CLINT1: variants seen among roughly 807,000 people sequenced by gnomAD.
CLINT1 encodes the protein clathrin interacting protein localized in the trans-Golgi region.
CLINT1 carries 15 observed loss-of-function variants against 70.4 expected under a neutral mutation model. The ratio of observed to expected loss-of-function variants is 0.21; its 90% CI spans 0.14 to 0.33. The LOEUF (loss-of-function observed/expected upper bound fraction) is 0.33. Among genes scored for constraint, CLINT1 ranks in the 10% least tolerant of loss-of-function variants. The probability of loss-of-function intolerance (pLI) is 1.00; values close to 1 mark genes in which losing one functional copy is unlikely to be tolerated. For missense variants in CLINT1, 615 were observed against 778.1 expected, an observed-to-expected ratio of 0.79 and a Z score of 2.49; for synonymous variants, 227 against 254.7, an observed-to-expected ratio of 0.89 and a Z score of 1.04.
At chr5:157,789,026 C>A (rs1472363473) in intron 11 of CLINT1, among the ~76,000 whole-genome samples, 10 of 149,398 alleles carry the variant, frequency 6.7e-5, no homozygotes, top group Admixed American at 2.7e-4. Flanking sequence ...ATGGCAATTA[C>A]CCCTCAACGG....
chr5:157,835,872 G>A (rs1763405120), intron 1 of CLINT1, among the ~76,000 whole-genome samples: 1 of 152,152 alleles, frequency 6.6e-6, no homozygotes, highest in Non-Finnish European at 1.5e-5. Context: ...AGAAAGATTT[G>A]AAGAACTAAA....
chr5:157,812,773 A>G (rs1014415595), intron 5 of CLINT1, among the ~76,000 whole-genome samples: 5 of 152,146 alleles, frequency 3.3e-5, no homozygotes, highest in African/African-American at 1.2e-4. Context: ...TAAAATGGCA[A>G]TCCTAAGAGG....
chr5:157,846,752 G>A (rs1264789246), intron 1 of CLINT1, among the ~76,000 whole-genome samples: 1 of 152,160 alleles, frequency 6.6e-6, no homozygotes, highest in Non-Finnish European at 1.5e-5. Flanking sequence ...CTTCTCATGG[G>A]CTAACGCAGC....
intron 11 of CLINT1, among the ~76,000 whole-genome samples, chr5:157,788,454 A>T (rs1761794263): frequency 6.6e-6 from 1 of 152,206 alleles, no homozygotes; most frequent in South Asian, 2.1e-4. Flanking sequence ...TTAAGAAAAA[A>T]ACAGAAGTAT....
At chr5:157,819,466 C>T (rs1658760695) in intron 1 of CLINT1, among the ~76,000 whole-genome samples, 1 of 151,998 alleles carries the variant, frequency 6.6e-6, no homozygotes, top group African/African-American at 2.4e-5. Flanking sequence ...CGTTAAAATC[C>T]AGTAATGCTT....
At chr5:157,815,957 T>C (rs1191388452) in intron 3 of CLINT1, among the ~76,000 whole-genome samples, 2 of 152,228 alleles carry the variant, frequency 1.3e-5, no homozygotes, top group Non-Finnish European at 2.9e-5. Context: ...ATGTGGTATA[T>C]ACGACTTTTA....
intron 1 of CLINT1, among the ~76,000 whole-genome samples, chr5:157,847,869 G>C (rs755182827): frequency 8.5e-5 from 13 of 152,136 alleles, no homozygotes; most frequent in Non-Finnish European, 1.6e-4. Flanking sequence ...CCGGAGTACA[G>C]TGGCACCATC....
chr5:157,833,889 C>T lies in CLINT1; in HGVS notation c.42-16342G>A, dbSNP rs146184425. Among the ~76,000 whole-genome samples, 563 of 151,918 alleles carry T rather than the reference C, an allele frequency of 3.7e-3. 4 individuals carry two copies. Among genetic ancestry groups the T allele is most frequent in the African/African-American group, 0.013 (536 of 41,432 alleles). On this transcript the variant is annotated intron_variant, in intron 1 of 11. Transcript: ENST00000411809. ...ACAAGGAGGTCAAGGCTGCAGTGGG[C>T]CGTGATCGTGCCACTGCACTTCAGC... is the stretch of plus-strand genomic sequence containing the variant.
chr5:157,812,556 C>T (rs1313917183), intron 5 of CLINT1, among the ~76,000 whole-genome samples: 2 of 152,100 alleles, frequency 1.3e-5, no homozygotes, highest in Non-Finnish European at 2.9e-5. Context: ...CTGCGAGTAT[C>T]GTCAGTCATC....
intron 1 of CLINT1, among the ~76,000 whole-genome samples, chr5:157,853,695 T>A (rs1287024688): frequency 1.4e-5 from 2 of 144,790 alleles, no homozygotes; most frequent in Non-Finnish European, 3.0e-5. Context: ...GAGAATTGCT[T>A]GAACCCAGGA....
intron 5 of CLINT1, 121 bp downstream of exon 5, chr5:157,812,942 G>A (rs1762607618): frequency 1.2e-6 from 1 of 848,654 alleles, no homozygotes; most frequent in Admixed American, 2.8e-5. Context: ...GTGTATTTTA[G>A]TATTCTATGT....
chr5:157,791,865 G>A lies in CLINT1; in HGVS notation c.1218C>T (p.Gly406=). The change falls in exon 10 of 12, where the codon GGC becomes GGT. Residue 406 remains glycine (G), a synonymous_variant. Coordinates refer to ENST00000411809, the MANE Select transcript of CLINT1 (RefSeq NM_014666.4). The stretch of plus-strand genomic sequence containing the variant: ...GAGGTGGGCCTAGAGCTGATTGTGA[G>A]CCACTAACAAGTTCTACCGCTGGCT... ...ASQPAVELVS[G]SQSALGPPPA... is the part of the protein sequence containing the mutation. The A allele has an allele frequency of 6.2e-7, 1 of 1,613,982 alleles. No individual in the cohort carries two copies. The highest frequency in any genetic ancestry group is 8.5e-7 in the Non-Finnish European group (1 of 1,179,872).
chr5:157,810,230 G>A (rs941442360), intron 5 of CLINT1, among the ~76,000 whole-genome samples: 1 of 152,146 alleles, frequency 6.6e-6, no homozygotes, highest in Non-Finnish European at 1.5e-5. Context: ...GCATTGGATA[G>A]CAACAGTATC....
intron 11 of CLINT1, among the ~76,000 whole-genome samples, chr5:157,788,472 T>C (rs573584531): frequency 2.5e-4 from 38 of 152,314 alleles, no homozygotes; most frequent in African/African-American, 7.7e-4. Context: ...TATGAAGATT[T>C]ATACAAAATC....
intron 7 of CLINT1, among the ~76,000 whole-genome samples, chr5:157,804,646 C>T (rs963669567): frequency 2.8e-4 from 43 of 152,012 alleles, no homozygotes; most frequent in African/African-American, 7.2e-4. Flanking sequence ...CTTGTACTGC[C>T]GGGCGCGGTG....
At chr5:157,851,175 T>C (rs1281668295) in intron 1 of CLINT1, among the ~76,000 whole-genome samples, 1 of 152,164 alleles carries the variant, frequency 6.6e-6, no homozygotes, top group African/African-American at 2.4e-5. Context: ...GAAAATTGAA[T>C]TTTCAATGCA....
Position 157,794,948 on chromosome 5 carries a change from C to T in CLINT1, c.1037G>A (p.Gly346Glu). Residue 346 changes from glycine (G) to glutamate (E), a missense_variant, in exon 9 of 12, where the codon GGA (glycine) becomes GAA (glutamate). Around this residue, in one of 2 missense-constraint regions of CLINT1, gnomAD observed 374 missense variants for 409.6 expected, o/e 0.91. Coordinates refer to ENST00000411809, the MANE Select transcript of CLINT1 (RefSeq NM_014666.4). ...AGCAGCTGAGCCAAAGTCAGCAAAT[C>T]CTCCGAATAAATCAGCTGATCCTCC... ...STGGSADLFG[G>E]FADFGSAAAS... The T allele has an allele frequency of 6.4e-7, 1 of 1,555,114 alleles. No individual in the cohort carries two copies.
chr5:157,837,318 G>A (rs1763455720), intron 1 of CLINT1, among the ~76,000 whole-genome samples: 4 of 152,110 alleles, frequency 2.6e-5, no homozygotes, highest in Non-Finnish European at 4.4e-5. Context: ...CAAGGCCGCA[G>A]TGGGCTAGAT....
intron 7 of CLINT1, 139 bp from the exon 8 acceptor site, chr5:157,803,858 C>T: frequency 4.1e-6 from 2 of 488,790 alleles, no homozygotes; most frequent in Non-Finnish European, 7.0e-6. Context: ...AAAAAGAGTA[C>T]TGACCTTGAA....
Sources: allele counts gnomAD v4.1 joint callset (sites outside exome capture counted in the v4.1 genomes callset), GRCh38; gene constraint gnomAD v4.1.1; regional missense constraint gnomAD v4.1.1; transcripts MANE v1.5; gene names NCBI Gene and HGNC (gene_info 2026-07-23, HGNC 2026-07-21).